CDH13: variants seen among roughly 807,000 people sequenced by gnomAD.
CDH13 encodes cadherin-13.
Under a neutral mutation model 63.8 loss-of-function variants are expected in CDH13, and 24 were observed. The observed-to-expected ratio is 0.38, with a 90% CI of 0.27 to 0.53. The LOEUF is 0.53. Ranked by LOEUF, CDH13 falls within the 20% of genes least tolerant of loss-of-function variation. CDH13 has a pLI of 0.85. For synonymous variants in CDH13, 503 were observed against 355.3 expected, an observed-to-expected ratio of 1.42 and a Z score of -4.67; for missense variants, 1,049 against 903.1, an observed-to-expected ratio of 1.16 and a Z score of -2.07.
intron 2 of CDH13, among the ~76,000 whole-genome samples, chr16:82,935,015 G>A (rs2042621937): frequency 6.6e-6 from 1 of 152,178 alleles, no homozygotes; most frequent in South Asian, 2.1e-4. Context: ...CCTTACGGCA[G>A]CACCCCGCTC....
intron 4 of CDH13, among the ~76,000 whole-genome samples, chr16:83,161,271 TGTAATCC>T (rs2037431675): frequency 6.6e-6 from 1 of 152,224 alleles, no homozygotes; most frequent in African/African-American, 2.4e-5. Flanking sequence ...GAATCATGTC[TGTAATCC>T]TAGCACTTTG....
chr16:83,180,710 C>G (rs1019625525), intron 4 of CDH13, among the ~76,000 whole-genome samples: 1 of 152,200 alleles, frequency 6.6e-6, no homozygotes, highest in Non-Finnish European at 1.5e-5. Flanking sequence ...AATTATTAGA[C>G]TATGCATGCC....
intron 10 of CDH13, among the ~76,000 whole-genome samples, chr16:83,680,263 C>T (rs1915296498): frequency 6.6e-6 from 1 of 152,192 alleles, no homozygotes. Context: ...CCCAGGGCAG[C>T]TCTGCCTTGC....
intron 12 of CDH13, among the ~76,000 whole-genome samples, chr16:83,782,520 G>A (rs1161012912): frequency 1.3e-5 from 2 of 152,264 alleles, no homozygotes; most frequent in East Asian, 1.9e-4. Context: ...CAGATCACCT[G>A]AGGTCAGGAG....
intron 1 of CDH13, among the ~76,000 whole-genome samples, chr16:82,662,571 T>C (rs938625886): frequency 1.3e-5 from 2 of 152,214 alleles, no homozygotes; most frequent in African/African-American, 4.8e-5. Flanking sequence ...AGTAAATCCA[T>C]CCCCACCACT....
At position 82,716,589 on chromosome 16, in the gene CDH13, C is replaced by G. The variant is rs145176546; in HGVS notation, c.45+89452C>G. ...AAGGCTGAGGAGGGACATATAAAGA[C>G]TTCATACTAGATTAATTATGTAAAT... is the stretch of plus-strand genomic sequence containing the variant. On this transcript the variant is annotated intron_variant, in intron 1 of 13. Transcript: ENST00000567109. Among the ~76,000 whole-genome samples the G allele has an allele frequency of 2.8e-3, 419 of 148,346 alleles. 4 individuals carry two copies. The highest frequency in any genetic ancestry group is 1.0e-2 in the African/African-American group (399 of 39,974).
At chr16:83,129,235 C>G (rs2035944003) in intron 4 of CDH13, among the ~76,000 whole-genome samples, 1 of 152,012 alleles carries the variant, frequency 6.6e-6, no homozygotes, top group Non-Finnish European at 1.5e-5. Flanking sequence ...ACCACGCTCC[C>G]AAAAAATGTC....
rs1567513986 is a variant in CDH13, at chr16:83,216,424, AT to A, written c.484-920del. Among the ~76,000 whole-genome samples, 104 of 92,616 alleles carry A rather than the reference AT, an allele frequency of 1.1e-3. 14 individuals are homozygous for A. The highest frequency in any genetic ancestry group is 0.012 in the Middle Eastern group (2 of 172). The allele number at this position is 92,616 out of a possible 152,430, so 60.8% of individuals were successfully genotyped here. On this transcript the variant is annotated intron_variant, in intron 4 of 13. Transcript: ENST00000567109. ...TATATATATATATATATATATATAT[AT>A]ATATATATATATATATATACACAAC... is the stretch of plus-strand genomic sequence containing the variant.
At chr16:83,185,147 G>A (rs1312514980) in intron 4 of CDH13, among the ~76,000 whole-genome samples, 2 of 152,200 alleles carry the variant, frequency 1.3e-5, no homozygotes, top group South Asian at 2.1e-4. Context: ...ACAGCTGGTC[G>A]TGGCAGCACT....
intron 5 of CDH13, among the ~76,000 whole-genome samples, chr16:83,290,826 G>A (rs1264572372): frequency 6.6e-6 from 1 of 152,026 alleles, no homozygotes; most frequent in Admixed American, 6.6e-5. Context: ...TCTTCACTCA[G>A]GGCCGCCTTT....
intron 2 of CDH13, among the ~76,000 whole-genome samples, chr16:83,031,045 A>G (rs891548368): frequency 5.9e-5 from 9 of 151,544 alleles, no homozygotes; most frequent in African/African-American, 1.9e-4. Context: ...GTGGCCCACT[A>G]GAATTCTATA....
At chr16:82,962,472 A>G (rs1216243908) in intron 2 of CDH13, among the ~76,000 whole-genome samples, 3 of 152,216 alleles carry the variant, frequency 2.0e-5, no homozygotes, top group Non-Finnish European at 4.4e-5. Context: ...GCAATAGGAA[A>G]CCGATCAGAT....
At chr16:83,330,466 A>G (rs1414863453) in intron 5 of CDH13, among the ~76,000 whole-genome samples, 2 of 152,210 alleles carry the variant, frequency 1.3e-5, no homozygotes, top group Non-Finnish European at 2.9e-5. Context: ...CCCATCTAGA[A>G]GGGCAAAGAA....
intron 2 of CDH13, among the ~76,000 whole-genome samples, chr16:82,867,681 A>G (rs1053814708): frequency 5.3e-5 from 8 of 152,216 alleles, no homozygotes; most frequent in East Asian, 1.9e-4. Context: ...CAAGCAAGGA[A>G]CTTGAAAAAT....
At chr16:83,715,051 A>T (rs1329979689) in intron 10 of CDH13, among the ~76,000 whole-genome samples, 1 of 152,156 alleles carries the variant, frequency 6.6e-6, no homozygotes. Context: ...TTCGAGAGTA[A>T]GAGTTTTATT....
chr16:83,349,388 A>G (rs1418820156), intron 6 of CDH13, among the ~76,000 whole-genome samples: 1 of 152,016 alleles, frequency 6.6e-6, no homozygotes, highest in African/African-American at 2.4e-5. Context: ...GCATCAATTC[A>G]TGGGTGTTTT....
At chr16:83,197,924 G>A (rs181363979) in intron 4 of CDH13, among the ~76,000 whole-genome samples, 3 of 152,196 alleles carry the variant, frequency 2.0e-5, no homozygotes, top group Admixed American at 2.0e-4. Flanking sequence ...TTGTACCACA[G>A]TTTAACATTA....
At chr16:83,256,551 G>C (rs374888012) in intron 5 of CDH13, among the ~76,000 whole-genome samples, 64 of 151,814 alleles carry the variant, frequency 4.2e-4, no homozygotes, top group Admixed American at 1.1e-3. Context: ...GTTTCCAGTG[G>C]CCAGGCACGG....
At chr16:82,860,617 C>G (rs1418337699) in intron 2 of CDH13, among the ~76,000 whole-genome samples, 2 of 147,488 alleles carry the variant, frequency 1.4e-5, no homozygotes, top group Non-Finnish European at 3.0e-5. Flanking sequence ...CTTGGTGAAA[C>G]CGTATGTCCA....
Sources: allele counts gnomAD v4.1 joint callset (sites outside exome capture counted in the v4.1 genomes callset), GRCh38; gene constraint gnomAD v4.1.1; transcripts MANE v1.5; gene names NCBI Gene and HGNC (gene_info 2026-07-23, HGNC 2026-07-21).